GALNT13: variants seen among roughly 807,000 people sequenced by gnomAD.
The protein encoded by GALNT13 is UDP-GalNAc:polypeptide N-acetylgalactosaminyltransferase 13.
A neutral mutation model predicts 64.2 loss-of-function variants in GALNT13; 28 were observed. The observed-to-expected ratio is 0.44, with a 90% CI of 0.32 to 0.60. The LOEUF (loss-of-function observed/expected upper bound fraction) is 0.60, where lower values mean the gene tolerates loss of function less well. GALNT13 is among the 20% of genes least tolerant of loss of function. The pLI is 0.05. For missense variants in GALNT13, 577 were observed against 669.8 expected, an observed-to-expected ratio of 0.86 and a Z score of 1.53; for synonymous variants, 214 against 224.6, an observed-to-expected ratio of 0.95 and a Z score of 0.42.
At chr2:153,941,128 T>C (rs530974825) in intron 2 of GALNT13, among the ~76,000 whole-genome samples, 2 of 152,080 alleles carry the variant, frequency 1.3e-5, no homozygotes, top group African/African-American at 4.8e-5. Context: ...ACTATCTCCG[T>C]TCCATTACAG....
upstream of GALNT13, among the ~76,000 whole-genome samples, chr2:153,869,154 T>G (rs770096694): frequency 2.0e-5 from 3 of 152,158 alleles, no homozygotes; most frequent in Non-Finnish European, 4.4e-5. Flanking sequence ...AAATATTTTA[T>G]TATATTTTTT....
chr2:153,562,042 T>TC, the GALNT13 span, among the ~76,000 whole-genome samples: 5 of 112,798 alleles, frequency 4.4e-5, no homozygotes, highest in South Asian at 3.6e-4. Flanking sequence ...CTCTCTCTCT[T>TC]TCTCTCTCTC....
At chr2:153,562,330 A>G in the GALNT13 span, among the ~76,000 whole-genome samples, 1 of 152,114 alleles carries the variant, frequency 6.6e-6, no homozygotes, top group African/African-American at 2.4e-5. Context: ...AAAATTAGCT[A>G]GTAACATTTT....
chr2:154,373,687 T>G (rs1018210213), intron 9 of GALNT13, among the ~76,000 whole-genome samples: 1 of 152,180 alleles, frequency 6.6e-6, no homozygotes, highest in Non-Finnish European at 1.5e-5. Flanking sequence ...ACTTACATCA[T>G]CATTAAGTCA....
At chr2:153,586,364 A>C in the GALNT13 span, among the ~76,000 whole-genome samples, 1 of 152,222 alleles carries the variant, frequency 6.6e-6, no homozygotes, top group Admixed American at 6.5e-5. Context: ...TATTCCACAC[A>C]AATGGAAACT....
the GALNT13 span, among the ~76,000 whole-genome samples, chr2:153,213,953 C>T: frequency 1.3e-5 from 2 of 152,112 alleles, no homozygotes; most frequent in African/African-American, 4.8e-5. Context: ...GCTTGTCTTT[C>T]AAGGGAGGGA....
the GALNT13 span, among the ~76,000 whole-genome samples, chr2:153,532,497 T>C: frequency 6.6e-6 from 1 of 152,162 alleles, no homozygotes; most frequent in Non-Finnish European, 1.5e-5. Context: ...GAAGGCCTTT[T>C]CCCCATTGTC....
At chr2:154,142,120 T>C (rs1351549877) in intron 4 of GALNT13, among the ~76,000 whole-genome samples, 1 of 152,216 alleles carries the variant, frequency 6.6e-6, no homozygotes, top group East Asian at 1.9e-4. Context: ...TAGTGATTTT[T>C]CTCTACATGC....
the GALNT13 span, among the ~76,000 whole-genome samples, chr2:153,702,790 T>G: frequency 2.3e-3 from 346 of 152,256 alleles, 2 homozygotes; most frequent in African/African-American, 7.9e-3. Flanking sequence ...GGTTAATATA[T>G]GAGTCTGATA....
chr2:153,718,971 T>G, the GALNT13 span, among the ~76,000 whole-genome samples: 1 of 152,190 alleles, frequency 6.6e-6, no homozygotes. Context: ...AATTTTACCC[T>G]CAAAGTCCAG....
At chr2:153,839,489 A>G in the GALNT13 span, among the ~76,000 whole-genome samples, 1 of 151,868 alleles carries the variant, frequency 6.6e-6, no homozygotes, top group East Asian at 1.9e-4. Context: ...ATTTTGTCAA[A>G]TACTTTACCT....
At chr2:153,453,544 T>G in the GALNT13 span, among the ~76,000 whole-genome samples, 2 of 152,160 alleles carry the variant, frequency 1.3e-5, no homozygotes. Flanking sequence ...TTCAGAGCAA[T>G]GCAAATCAAA....
intron 3 of GALNT13, among the ~76,000 whole-genome samples, chr2:154,107,954 A>G (rs66636046): frequency 0.18 from 27,727 of 151,970 alleles, 4,645 homozygotes; most frequent in East Asian, 0.74. Flanking sequence ...TTAAGCATGC[A>G]TATTTTGTCA....
the GALNT13 span, among the ~76,000 whole-genome samples, chr2:153,243,129 A>G: frequency 2.0e-5 from 3 of 152,180 alleles, no homozygotes; most frequent in Non-Finnish European, 2.9e-5. Context: ...ATATGCACAC[A>G]TCCCCACCCT....
the GALNT13 span, among the ~76,000 whole-genome samples, chr2:153,257,005 G>A: frequency 6.6e-6 from 1 of 152,218 alleles, no homozygotes; most frequent in African/African-American, 2.4e-5. Flanking sequence ...CGGCTACTTT[G>A]TTTACCTAAT....
chr2:154,040,653 A>G lies in GALNT13; in HGVS notation c.142+96014A>G, dbSNP rs1227230518. Among the ~76,000 whole-genome samples, 2 of 140,284 alleles carry G rather than the reference A, an allele frequency of 1.4e-5. 1 individual carries two copies. The highest frequency in any genetic ancestry group is 3.3e-5 in the Non-Finnish European group (2 of 61,056). The allele number at this position is 140,284 out of a possible 152,430, so 92.0% of individuals were successfully genotyped here. A position where few individuals can be genotyped will look rare whatever the true frequency, so the allele number is the denominator to read the frequency against. On this transcript the variant is annotated intron_variant, in intron 3 of 12. Coordinates refer to ENST00000392825, the MANE Select transcript of GALNT13 (RefSeq NM_052917.4). ...TACACATAGGGATTAGACAATATCC[A>G]CTATTATTTTAAAGTTACTTTAATG...
the GALNT13 span, among the ~76,000 whole-genome samples, chr2:153,666,602 A>T: frequency 6.6e-6 from 1 of 152,122 alleles, no homozygotes; most frequent in African/African-American, 2.4e-5. Context: ...AGTCAACTAA[A>T]CCCAAATTAT....
At chr2:153,289,706 G>A in the GALNT13 span, among the ~76,000 whole-genome samples, 2 of 152,126 alleles carry the variant, frequency 1.3e-5, no homozygotes, top group Non-Finnish European at 2.9e-5. Context: ...TATCTCAGAG[G>A]TTACATCTCA....
At chr2:154,404,809 G>A (rs1414627107) in intron 10 of GALNT13, among the ~76,000 whole-genome samples, 1 of 152,048 alleles carries the variant, frequency 6.6e-6, no homozygotes, top group African/African-American at 2.4e-5. Flanking sequence ...ATGGGGTCAG[G>A]AGGTCTCAAG....
Sources: gnomAD v4.1 joint callset for allele counts (sites outside exome capture counted in the v4.1 genomes callset) on GRCh38, gnomAD v4.1.1 for gene constraint, MANE v1.5 for transcripts, NCBI Gene and HGNC (gene_info 2026-07-23, HGNC 2026-07-21) for gene names.